Variants in CRAMP1 observed in about 807,000 individuals in gnomAD.
CRAMP1 encodes cramped chromatin regulator 1, also known as protein cramped-like.
In CRAMP1, 50 loss-of-function variants were observed where a neutral mutation model predicts 115.4. That is an observed-to-expected ratio of 0.43 (90% confidence interval 0.35 to 0.55). The LOEUF (loss-of-function observed/expected upper bound fraction) is 0.55. Ranked by LOEUF, CRAMP1 falls within the 20% of genes least tolerant of loss-of-function variation. CRAMP1 has a pLI of 0.01. For synonymous variants in CRAMP1, 866 were observed against 745.4 expected (o/e 1.16, Z -2.64); for missense variants, 1,679 against 1,721.7 (o/e 0.98, Z 0.44).
intron 2 of CRAMP1, among the ~76,000 whole-genome samples, chr16:1,616,032 G>C (rs1333008834): frequency 6.6e-6 from 1 of 152,214 alleles, no homozygotes; most frequent in Non-Finnish European, 1.5e-5. Flanking sequence ...CTCAACCGAA[G>C]AAGGCTGGCC....
chr16:1,662,456 G>A (rs2142203848), intron 11 of CRAMP1, 34 bp from the exon 12 acceptor site: 1 of 1,554,086 alleles, frequency 6.4e-7, no homozygotes, highest in Non-Finnish European at 8.9e-7. Flanking sequence ...CTAGGTGAAT[G>A]CTGTCACACT....
intron 6 of CRAMP1, among the ~76,000 whole-genome samples, chr16:1,642,913 G>A (rs1468348629): frequency 2.0e-5 from 3 of 152,240 alleles, no homozygotes; most frequent in Non-Finnish European, 4.4e-5. Flanking sequence ...GCTGCCCAGC[G>A]GGGGCGTGGT....
intron 4 of CRAMP1, among the ~76,000 whole-genome samples, chr16:1,636,653 G>A (rs79989600): frequency 0.022 from 3,364 of 152,334 alleles, 235 homozygotes; most frequent in Admixed American, 0.13. Flanking sequence ...AAAGGGGCCT[G>A]GACTGTGTTG....
At chr16:1,663,076 A>G (rs1042256652) in intron 13 of CRAMP1, among the ~76,000 whole-genome samples, 4 of 152,270 alleles carry the variant, frequency 2.6e-5, no homozygotes, top group African/African-American at 9.6e-5. Context: ...TAGGGATTCA[A>G]GTCCAAAGAA....
intron 11 of CRAMP1, among the ~76,000 whole-genome samples, chr16:1,660,811 A>C (rs186989480): frequency 2.6e-5 from 4 of 152,182 alleles, no homozygotes; most frequent in African/African-American, 7.2e-5. Context: ...GTTCCATACC[A>C]GCCTGGCCAA....
chr16:1,666,462 C>T lies in CRAMP1; in HGVS notation c.2898C>T (p.Ser966=), dbSNP rs183144093. Residue 966 remains serine (S), a synonymous_variant, in exon 16 of 21, where the codon TCC becomes TCT. Transcript: ENST00000397412. The surrounding 1 kb of genome is among the most constrained non-coding windows in gnomAD (Gnocchi z 5.0). ...DLAATSAGIL[S]GNPLPALDTE... is the part of the protein sequence containing the mutation. ...CAGCTACAAGTGCCGGCATCCTTTC[C>T]GGGAACCCCCTCCCTGCCTTGGACA... 4.2e-5 allele frequency: 67 copies of T among 1,613,812 alleles called. No homozygotes were observed. In the East Asian group the frequency reaches 9.4e-4, roughly 23 times the overall value.
chr16:1,641,207 T>A lies in CRAMP1; in HGVS notation c.827+20T>A. On this transcript the variant is annotated intron_variant, in intron 6 of 20. Transcript: ENST00000397412. ...GGTTGGGTAAGTCCCAGTTTCCATG[T>A]GAAACATCACTTCTCTGGGTGTTTT... 1 of 1,576,950 alleles carries A rather than the reference T, an allele frequency of 6.3e-7. No individual in the cohort carries two copies. The highest frequency in any genetic ancestry group is 8.7e-7 in the Non-Finnish European group (1 of 1,146,412).
chr16:1,632,446 G>T, intron 4 of CRAMP1, 81 bp downstream of exon 4: 5 of 1,367,346 alleles, frequency 3.7e-6, no homozygotes, highest in Non-Finnish European at 3.0e-6. Flanking sequence ...CAGCAAGCCC[G>T]CCGGACCTGC....
At position 1,656,879 on chromosome 16, in the gene CRAMP1, C is replaced by T; in HGVS notation, c.2122C>T (p.Leu708=). The change falls in exon 10 of 21, where the codon CTG becomes TTG. Residue 708 remains leucine (L), a synonymous_variant. Coordinates refer to ENST00000397412, the MANE Select transcript of CRAMP1 (RefSeq NM_020825.4). The surrounding 1 kb of genome is among the most constrained non-coding windows in gnomAD (Gnocchi z 5.6). Reference sequence around the variant, plus strand: ...CAAGCTGCAGCTGGAGTACGACTGGCTGGGGCCCGGCCGCCAGGACCCCCG... The same window carrying T: ...CAAGCTGCAGCTGGAGTACGACTGGTTGGGGCCCGGCCGCCAGGACCCCCG... ...PSKLQLEYDW[L]GPGRQDPRPG... is the part of the protein sequence containing the mutation. 1 of 1,551,132 alleles carries T rather than the reference C, an allele frequency of 6.4e-7. No homozygotes were observed. Among genetic ancestry groups the T allele is most frequent in the Non-Finnish European group, 8.7e-7 (1 of 1,147,424 alleles).
chr16:1,670,672 A>T lies in CRAMP1; in HGVS notation c.3508A>T (p.Ile1170Phe). 6.2e-7 allele frequency: 1 copy of T among 1,613,928 alleles called. No individual in the cohort carries two copies. The highest frequency in any genetic ancestry group is 1.1e-5 in the South Asian group (1 of 91,088). The change falls in exon 20 of 21, where the codon ATC (isoleucine) becomes TTC (phenylalanine). Residue 1170 changes from isoleucine to phenylalanine, a missense_variant. By Grantham distance (21) the Ile-to-Phe change is conservative. This residue lies in a region of CRAMP1 where 709 missense variants were observed against 741.9 expected (regional missense o/e 0.96). Transcript: ENST00000397412. ...TGGCCTTTTCTCCGCAGCAAGCTTC[A>T]TCTCCCCAGAGAAGAGCCGGAAGAT... ...SSLSSLFASF[I>F]SPEKSRKMLP...
intron 6 of CRAMP1, among the ~76,000 whole-genome samples, chr16:1,644,761 C>T (rs913396746): frequency 7.2e-5 from 11 of 152,180 alleles, no homozygotes; most frequent in African/African-American, 2.7e-4. Context: ...GGGTTTGCAG[C>T]AGGAGAGCCC....
intron 9 of CRAMP1, 94 bp downstream of exon 9, chr16:1,655,394 T>A: frequency 1.0e-6 from 1 of 1,000,740 alleles, no homozygotes; most frequent in Non-Finnish European, 1.6e-6. Flanking sequence ...ATCGTCATGG[T>A]CCCCGTGGGC....
chr16:1,650,984 A>G (rs779854234), intron 6 of CRAMP1, among the ~76,000 whole-genome samples: 1 of 152,238 alleles, frequency 6.6e-6, no homozygotes, highest in Non-Finnish European at 1.5e-5. Flanking sequence ...CAGGGAGGTC[A>G]CATAGAGGTG....
intron 6 of CRAMP1, chr16:1,647,159 T>C (rs1374503381): frequency 2.4e-5 from 16 of 660,058 alleles, no homozygotes; most frequent in Non-Finnish European, 4.1e-5. Flanking sequence ...CTACCTCTCA[T>C]GCAGACCTGT....
rs951821898 is a variant in CRAMP1, at chr16:1,627,112, A to G, written c.540+946A>G. ...ACTTTAGACTGCTTCTTTGGCATACAGTATTAGAATTAGGTTCGTGATCGG... is the reference window on the plus strand; with the variant it reads ...ACTTTAGACTGCTTCTTTGGCATACGGTATTAGAATTAGGTTCGTGATCGG... On this transcript the variant is annotated intron_variant, in intron 3 of 20. Transcript: ENST00000397412. 2.6e-5 allele frequency among the ~76,000 whole-genome samples: 4 copies of G among 151,404 alleles called. No homozygotes were observed. The South Asian group carries it at 8.3e-4, about 32-fold the overall frequency.
At chr16:1,613,010 C>T (rs2036373145) in intron 1 of CRAMP1, among the ~76,000 whole-genome samples, 1 of 152,032 alleles carries the variant, frequency 6.6e-6, no homozygotes, top group Admixed American at 6.5e-5. Context: ...GGTGTGGAGC[C>T]CGGCGAGCGG....
intron 5 of CRAMP1, among the ~76,000 whole-genome samples, chr16:1,639,832 C>T (rs959979803): frequency 3.3e-5 from 5 of 152,142 alleles, no homozygotes; most frequent in African/African-American, 1.2e-4. Context: ...TGGGGTTTTC[C>T]TTTTGATTTA....
At chr16:1,638,037 A>G in intron 5 of CRAMP1, 130 bp downstream of exon 5, 3 of 473,908 alleles carry the variant, frequency 6.3e-6, no homozygotes, top group Non-Finnish European at 1.1e-5. Context: ...GAAGAGGTGA[A>G]GAATATGATG....
At chr16:1,649,778 A>G (rs997821325) in intron 6 of CRAMP1, among the ~76,000 whole-genome samples, 2 of 135,556 alleles carry the variant, frequency 1.5e-5, no homozygotes, top group African/African-American at 2.8e-5. Flanking sequence ...AGTAGGCATG[A>G]GCCACTATTT....
Sources: allele counts gnomAD v4.1 joint callset (sites outside exome capture counted in the v4.1 genomes callset), GRCh38; gene constraint gnomAD v4.1.1; regional missense constraint gnomAD v4.1.1; non-coding constraint Gnocchi (gnomAD v3.1); transcripts MANE v1.5; gene names NCBI Gene and HGNC (gene_info 2026-07-23, HGNC 2026-07-21).